Variants in PIGL observed in about 807,000 individuals in gnomAD.
PIGL encodes the protein phosphatidylinositol glycan anchor biosynthesis class L, also known as N-acetylglucosaminyl-phosphatidylinositol de-N-acetylase.
A neutral mutation model predicts 31.1 loss-of-function variants in PIGL; 22 were observed. The ratio of observed to expected loss-of-function variants is 0.71; its 90% CI spans 0.51 to 1.01. PIGL has a LOEUF of 1.01. Among genes scored for constraint, PIGL ranks in the 50% least tolerant of loss-of-function variants. The pLI is 0.00. For missense variants in PIGL, 302 were observed against 315.9 expected (o/e 0.96, Z 0.33); for synonymous variants, 131 against 117.4 (o/e 1.12, Z -0.75).
intron 2 of PIGL, among the ~76,000 whole-genome samples, chr17:16,254,998 C>T (rs1302275894): frequency 6.6e-6 from 1 of 152,196 alleles, no homozygotes; most frequent in African/African-American, 2.4e-5. Context: ...GGAATGATTC[C>T]ATTTGCACCA....
intron 3 of PIGL, among the ~76,000 whole-genome samples, chr17:16,307,387 A>T (rs1397090489): frequency 1.3e-5 from 2 of 152,166 alleles, no homozygotes; most frequent in African/African-American, 4.8e-5. Flanking sequence ...ACTCCTTCAA[A>T]GTTTCTGCTT....
chr17:16,250,525 G>T (rs1377548368), intron 2 of PIGL, among the ~76,000 whole-genome samples: 1 of 152,058 alleles, frequency 6.6e-6, no homozygotes, highest in African/African-American at 2.4e-5. Flanking sequence ...ATAGCAACAC[G>T]CAACAGTCAG....
intron 3 of PIGL, among the ~76,000 whole-genome samples, chr17:16,304,075 T>C (rs931176509): frequency 3.3e-5 from 5 of 152,072 alleles, no homozygotes; most frequent in African/African-American, 1.2e-4. Context: ...GACAGTACAG[T>C]TGGGAATAAT....
intron 2 of PIGL, 111 bp from the exon 3 acceptor site, chr17:16,299,777 A>T: frequency 1.3e-6 from 1 of 759,734 alleles, no homozygotes; most frequent in East Asian, 2.5e-5. Flanking sequence ...AAGGGCAGGG[A>T]CCCTTACCCC....
In PIGL at chr17:16,326,073, C is replaced by T; in HGVS notation, c.*175C>T. 3 of 566,814 alleles carry T rather than the reference C, an allele frequency of 5.3e-6. No individual in the cohort carries two copies. Among genetic ancestry groups the T allele is most frequent in the Non-Finnish European group, 9.4e-6 (3 of 320,756 alleles). 35.1% of individuals were successfully genotyped at this position (566,814 alleles called of 1,614,324 possible). ...GCTGTCCAAACTCCAGCTTCTTCCCCTGGGAAAAAACCCAAAGAACCAAAA... is the reference window on the plus strand; with the variant it reads ...GCTGTCCAAACTCCAGCTTCTTCCCTTGGGAAAAAACCCAAAGAACCAAAA... On this transcript the variant is annotated 3_prime_UTR_variant, in exon 7 of 7. Coordinates refer to ENST00000225609, the MANE Select transcript of PIGL (RefSeq NM_004278.4).
intron 2 of PIGL, among the ~76,000 whole-genome samples, chr17:16,235,435 C>A (rs116877042): frequency 7.7e-5 from 7 of 90,924 alleles, no homozygotes; most frequent in Admixed American, 3.3e-4. Flanking sequence ...TGTCTACGTT[C>A]TTTTTTTTTT....
intron 3 of PIGL, among the ~76,000 whole-genome samples, chr17:16,305,135 G>C (rs941001989): frequency 2.6e-5 from 4 of 152,102 alleles, no homozygotes; most frequent in African/African-American, 9.7e-5. Flanking sequence ...AAATTAGCTA[G>C]GTGTGGTAGC....
intron 2 of PIGL, among the ~76,000 whole-genome samples, chr17:16,249,976 C>T (rs1320524264): frequency 6.6e-6 from 1 of 152,066 alleles, no homozygotes; most frequent in Non-Finnish European, 1.5e-5. Context: ...GATGGAGTTT[C>T]ACTCTTGTTG....
rs57109354 is a variant in PIGL at position 16,302,030 on chromosome 17, T to C, written c.426+2052T>C. 5.3e-3 allele frequency among the ~76,000 whole-genome samples: 807 copies of C among 152,240 alleles called. 12 individuals are homozygous for C. The highest frequency in any genetic ancestry group is 0.018 in the African/African-American group (759 of 41,562). ...GAGCAGATTTTCATTGATATATTCATTGGACTGTTTCTGTTCTCTAATGAC... is the reference window on the plus strand; with the variant it reads ...GAGCAGATTTTCATTGATATATTCACTGGACTGTTTCTGTTCTCTAATGAC... On this transcript the variant is annotated intron_variant, in intron 3 of 6. Transcript: ENST00000225609.
intron 2 of PIGL, among the ~76,000 whole-genome samples, chr17:16,247,587 T>C (rs2092753997): frequency 6.6e-6 from 1 of 152,192 alleles, no homozygotes; most frequent in African/African-American, 2.4e-5. Context: ...GGGCGGATAT[T>C]CGGCCCTCCA....
At chr17:16,319,947 C>T (rs552719869) in intron 6 of PIGL, among the ~76,000 whole-genome samples, 4 of 151,608 alleles carry the variant, frequency 2.6e-5, no homozygotes, top group African/African-American at 7.3e-5. Flanking sequence ...AGGTGCATCC[C>T]CCTGTAGACT....
chr17:16,229,022 G>A (rs554339823), intron 1 of PIGL, among the ~76,000 whole-genome samples: 7 of 152,232 alleles, frequency 4.6e-5, no homozygotes, highest in Non-Finnish European at 8.8e-5. Flanking sequence ...TGTAATCCCA[G>A]CACTTTGGGA....
intron 2 of PIGL, chr17:16,282,051 A>G (rs1156930471): frequency 5.8e-6 from 3 of 520,132 alleles, no homozygotes; most frequent in Non-Finnish European, 1.2e-5. Context: ...GTAACTCACC[A>G]TAGTGGTGGA....
intron 2 of PIGL, among the ~76,000 whole-genome samples, chr17:16,239,275 G>C (rs1404994180): frequency 6.6e-6 from 1 of 150,644 alleles, no homozygotes; most frequent in African/African-American, 2.4e-5. Flanking sequence ...GGAGGTCAAG[G>C]GTTCAAGACC....
intron 1 of PIGL, chr17:16,217,676 G>A (rs1255100109): frequency 1.8e-6 from 1 of 554,070 alleles, no homozygotes; most frequent in African/African-American, 1.9e-5. Context: ...ACGCCAGCAG[G>A]ATTGAGGAGC....
intron 3 of PIGL, among the ~76,000 whole-genome samples, chr17:16,309,459 C>G (rs1295236373): frequency 3.3e-5 from 5 of 152,192 alleles, no homozygotes; most frequent in Non-Finnish European, 7.3e-5. Context: ...TAATCTGGTT[C>G]AGGATAGAAA....
chr17:16,225,324 C>T (rs1022448421), intron 1 of PIGL, among the ~76,000 whole-genome samples: 6 of 150,326 alleles, frequency 4.0e-5, no homozygotes, highest in African/African-American at 1.5e-4. Flanking sequence ...TCTAGTAATT[C>T]ATTCGGGGTG....
intron 2 of PIGL, among the ~76,000 whole-genome samples, chr17:16,268,743 C>A (rs1199507134): frequency 1.3e-5 from 2 of 152,068 alleles, no homozygotes; most frequent in Admixed American, 1.3e-4. Flanking sequence ...AGCCACTGCG[C>A]CTGGCGTTTT....
At chr17:16,320,015 GT>G (rs1044293365) in intron 6 of PIGL, among the ~76,000 whole-genome samples, 6 of 151,372 alleles carry the variant, frequency 4.0e-5, no homozygotes, top group African/African-American at 1.5e-4. Flanking sequence ...GTCGGGGATT[GT>G]GGCTCGTGCC....
Sources: gnomAD v4.1 joint callset for allele counts (sites outside exome capture counted in the v4.1 genomes callset) on GRCh38, gnomAD v4.1.1 for gene constraint, MANE v1.5 for transcripts, NCBI Gene and HGNC (gene_info 2026-07-23, HGNC 2026-07-21) for gene names.